The following SNAP91 variants were observed in gnomAD, a reference collection of about 807,000 sequenced individuals.
The protein encoded by SNAP91 is synaptosome associated protein 91.
SNAP91 carries 27 observed loss-of-function variants against 100.3 expected under a neutral mutation model. That is an observed-to-expected ratio of 0.27 (90% confidence interval 0.20 to 0.37). The LOEUF (loss-of-function observed/expected upper bound fraction) is 0.37. SNAP91 is among the 10% of genes least tolerant of loss of function. The probability of loss-of-function intolerance (pLI) is 1.00; values close to 1 mark genes in which losing one functional copy is unlikely to be tolerated. For synonymous variants in SNAP91, 404 were observed against 398.6 expected (o/e 1.01, Z -0.16); for missense variants, 986 against 1,123.7 (o/e 0.88, Z 1.75).
At chr6:83,582,480 T>A in intron 22 of SNAP91, 124 bp from the exon 23 acceptor site, 1 of 979,744 alleles carries the variant, frequency 1.0e-6, no homozygotes, top group Non-Finnish European at 1.4e-6. Flanking sequence ...TAGCAGTCAG[T>A]GAAACAGAGA....
At chr6:83,701,483 T>TC (rs1353601194) in intron 2 of SNAP91, among the ~76,000 whole-genome samples, 1 of 151,492 alleles carries the variant, frequency 6.6e-6, no homozygotes, top group African/African-American at 2.4e-5. Flanking sequence ...CTCACTCTTG[T>TC]CCCCCAAGGC....
At chr6:83,667,617 T>C (rs1269352362) in intron 2 of SNAP91, among the ~76,000 whole-genome samples, 2 of 151,996 alleles carry the variant, frequency 1.3e-5, no homozygotes, top group African/African-American at 4.8e-5. Context: ...ACTGTCCCAG[T>C]TGTAATTTTT....
chr6:83,654,892 A>T (rs1209029988), intron 7 of SNAP91, among the ~76,000 whole-genome samples: 1 of 152,190 alleles, frequency 6.6e-6, no homozygotes, highest in Non-Finnish European at 1.5e-5. Flanking sequence ...AGAACTAGGT[A>T]ATGATTTATC....
intron 2 of SNAP91, among the ~76,000 whole-genome samples, chr6:83,680,863 G>A (rs948280671): frequency 6.6e-6 from 1 of 152,238 alleles, no homozygotes; most frequent in East Asian, 1.9e-4. Context: ...CCTACAGTAA[G>A]AATTTGGAGA....
At chr6:83,569,569 T>C (rs1169194183) in intron 26 of SNAP91, among the ~76,000 whole-genome samples, 2 of 152,236 alleles carry the variant, frequency 1.3e-5, no homozygotes, top group African/African-American at 4.8e-5. Context: ...TTTTCCCTTG[T>C]TCCCTTCTGG....
intron 13 of SNAP91, 121 bp downstream of exon 13, chr6:83,607,578 A>C (rs1236042734): frequency 3.4e-6 from 2 of 583,108 alleles, no homozygotes; most frequent in Non-Finnish European, 5.8e-6. Flanking sequence ...GTGTAGTAAA[A>C]ACTTCAACAT....
chr6:83,673,717 A>G (rs1227394866), intron 2 of SNAP91, among the ~76,000 whole-genome samples: 1 of 152,216 alleles, frequency 6.6e-6, no homozygotes, highest in Non-Finnish European at 1.5e-5. Flanking sequence ...TTGCCTCACC[A>G]ACAGCTATTC....
rs142558078 is a variant in SNAP91 at position 83,629,587 on chromosome 6, A to G, written c.766-6245T>C. Among the ~76,000 whole-genome samples the G allele has an allele frequency of 2.6e-5, 4 of 152,042 alleles. No homozygotes were observed. The South Asian group carries it at 8.3e-4, about 32-fold the overall frequency. On this transcript the variant is annotated intron_variant, in intron 8 of 29. Transcript: ENST00000369694. ...GTCTTTCACCTCCTCGGTTCGGTAT[A>G]TTCCTAAGTATTTTATTTTTTTGCA...
Position 83,604,239 on chromosome 6 carries a change from A to G in SNAP91, c.1141+1446T>C, listed in dbSNP as rs574743234. ...AAAATAATCAGTGATGAAGCTCAGA[A>G]TAAAAACATGAGTAAAAAAGAATGC... is the stretch of plus-strand genomic sequence containing the variant. On this transcript the variant is annotated intron_variant, in intron 14 of 29. Coordinates refer to ENST00000369694, the MANE Select transcript of SNAP91 (RefSeq NM_001242792.2). Among the ~76,000 whole-genome samples, 18 of 151,058 alleles carry G rather than the reference A, an allele frequency of 1.2e-4. No individual in the cohort carries two copies. The East Asian group carries it at 2.7e-3, about 23-fold the overall frequency.
chr6:83,648,206 T>C (rs986701942), intron 7 of SNAP91, among the ~76,000 whole-genome samples: 3 of 152,210 alleles, frequency 2.0e-5, no homozygotes, highest in African/African-American at 7.2e-5. Context: ...TAAATAGCCA[T>C]ACATTACACA....
At chr6:83,653,289 T>A (rs887425287) in intron 7 of SNAP91, among the ~76,000 whole-genome samples, 9 of 152,184 alleles carry the variant, frequency 5.9e-5, no homozygotes, top group Non-Finnish European at 1.2e-4. Flanking sequence ...TTGTTTGTGT[T>A]GTCCCACAGT....
At chr6:83,644,581 C>T (rs976787398) in intron 7 of SNAP91, among the ~76,000 whole-genome samples, 9 of 152,002 alleles carry the variant, frequency 5.9e-5, no homozygotes, top group African/African-American at 2.2e-4. Context: ...GATAAATTAC[C>T]CTTGTCATAC....
chr6:83,576,586 T>C (rs769270305), intron 24 of SNAP91, among the ~76,000 whole-genome samples: 1 of 152,222 alleles, frequency 6.6e-6, no homozygotes, highest in Admixed American at 6.5e-5. Flanking sequence ...ACCTCACACA[T>C]GCTGCTGCAT....
intron 2 of SNAP91, among the ~76,000 whole-genome samples, chr6:83,704,648 T>C (rs2099356455): frequency 6.6e-6 from 1 of 151,984 alleles, no homozygotes; most frequent in South Asian, 2.1e-4. Flanking sequence ...TAATATTAAA[T>C]ACATATTTCA....
chr6:83,668,419 T>C (rs761022432), intron 2 of SNAP91, among the ~76,000 whole-genome samples: 2 of 152,090 alleles, frequency 1.3e-5, no homozygotes, highest in Non-Finnish European at 1.5e-5. Context: ...AGCAAAGACA[T>C]GGAACCAACC....
At chr6:83,562,912 T>A (rs1403288460) in intron 26 of SNAP91, among the ~76,000 whole-genome samples, 1 of 152,164 alleles carries the variant, frequency 6.6e-6, no homozygotes, top group East Asian at 1.9e-4. Context: ...GCTGCCCTCT[T>A]CTCCCTGGGA....
intron 7 of SNAP91, among the ~76,000 whole-genome samples, chr6:83,644,840 A>C (rs1217579041): frequency 6.6e-6 from 1 of 152,246 alleles, no homozygotes; most frequent in Non-Finnish European, 1.5e-5. Flanking sequence ...AAATTAACCC[A>C]CAACATATTC....
rs545590099 is a variant in SNAP91 at position 83,618,376 on chromosome 6, TA to T, written c.808-1338del. On this transcript the variant is annotated intron_variant, in intron 9 of 29. Transcript: ENST00000369694. The stretch of plus-strand genomic sequence containing the variant: ...TTTTAAAAGCTTTGAACTATAGAGT[TA>T]AAAAAAAAAGATTATCGGCATCTAA... 2.7e-4 allele frequency among the ~76,000 whole-genome samples: 40 copies of T among 147,454 alleles called. No homozygotes were observed. In the South Asian group the frequency reaches 6.0e-3, roughly 22 times the overall value.
intron 8 of SNAP91, among the ~76,000 whole-genome samples, chr6:83,635,845 C>T (rs564674685): frequency 6.6e-5 from 10 of 152,116 alleles, no homozygotes; most frequent in African/African-American, 1.2e-4. Flanking sequence ...CCCTTAAGCA[C>T]GTCTTTTAAG....
Sources: allele counts gnomAD v4.1 joint callset (sites outside exome capture counted in the v4.1 genomes callset), GRCh38; gene constraint gnomAD v4.1.1; transcripts MANE v1.5; gene names NCBI Gene and HGNC (gene_info 2026-07-23, HGNC 2026-07-21).